The following ZNRF3 variants were observed in gnomAD, a reference collection of about 807,000 sequenced individuals.
The protein encoded by ZNRF3 is E3 ubiquitin-protein ligase ZNRF3.
Under a neutral mutation model 72.5 loss-of-function variants are expected in ZNRF3, and 23 were observed. The ratio of observed to expected loss-of-function variants is 0.32; its 90% CI spans 0.23 to 0.45. The LOEUF is 0.45. ZNRF3 is among the 20% of genes least tolerant of loss of function. The probability of loss-of-function intolerance (pLI) is 1.00; values close to 1 mark genes in which losing one functional copy is unlikely to be tolerated. For missense variants in ZNRF3, 1,169 were observed against 1,272.1 expected, an observed-to-expected ratio of 0.92 and a Z score of 1.23; for synonymous variants, 610 against 545.3, an observed-to-expected ratio of 1.12 and a Z score of -1.65.
chr22:29,053,447 C>T (rs2037243466), intron 8 of ZNRF3, 132 bp from the exon 9 acceptor site: 1 of 754,064 alleles, frequency 1.3e-6, no homozygotes, highest in East Asian at 2.6e-5. Flanking sequence ...CCTCTGGGAA[C>T]AGGAACCTGC....
chr22:28,943,515 G>C (rs907986406), intron 1 of ZNRF3, among the ~76,000 whole-genome samples: 2 of 152,186 alleles, frequency 1.3e-5, no homozygotes, highest in African/African-American at 4.8e-5. Flanking sequence ...TGGAGAGGGT[G>C]CATGTGTGTT....
chr22:28,994,176 C>CTTTTTTTTTTTTTTTTTTT lies in ZNRF3; in HGVS notation c.426+6984_426+7002dup, dbSNP rs57329565. The stretch of plus-strand genomic sequence containing the variant: ...TCCTTTATTGTCCTTCAGTTCCTTT[C>CTTTTTTTTTTTTTTTTTTT]TTTTTTTTTTTTTTTTTTTTTTTTT... On this transcript the variant is annotated intron_variant, in intron 2 of 8. Coordinates refer to ENST00000544604, the MANE Select transcript of ZNRF3 (RefSeq NM_001206998.2). Among the ~76,000 whole-genome samples the CTTTTTTTTTTTTTTTTTTT allele has an allele frequency of 6.6e-3, 261 of 39,794 alleles. 25 individuals are homozygous for CTTTTTTTTTTTTTTTTTTT. The highest frequency in any genetic ancestry group is 8.2e-3 in the Non-Finnish European group (189 of 22,948). The allele number at this position is 39,794 out of a possible 152,430, so 26.1% of individuals were successfully genotyped here. A position where few individuals can be genotyped will look rare whatever the true frequency, so the allele number is the denominator to read the frequency against.
chr22:29,012,494 G>C (rs568555419), intron 2 of ZNRF3, among the ~76,000 whole-genome samples: 1 of 152,218 alleles, frequency 6.6e-6, no homozygotes, highest in East Asian at 1.9e-4. Context: ...ATTTCTCTTT[G>C]GCCCTGGAAA....
intron 1 of ZNRF3, among the ~76,000 whole-genome samples, chr22:28,912,483 A>G (rs1158665812): frequency 6.6e-6 from 1 of 151,802 alleles, no homozygotes; most frequent in Non-Finnish European, 1.5e-5. Flanking sequence ...TAAAGCACTC[A>G]ATTATTGTCC....
intron 8 of ZNRF3, among the ~76,000 whole-genome samples, chr22:29,051,574 A>G (rs1016419999): frequency 6.8e-6 from 1 of 146,916 alleles, no homozygotes; most frequent in Non-Finnish European, 1.5e-5. Flanking sequence ...ACTGCACTCC[A>G]GCCTGGGTGA....
chr22:28,889,234 A>G (rs1430183670), intron 1 of ZNRF3, among the ~76,000 whole-genome samples: 3 of 152,170 alleles, frequency 2.0e-5, no homozygotes, highest in Admixed American at 2.0e-4. Flanking sequence ...AACATATAAT[A>G]TAGGGGTTCT....
chr22:29,050,575 C>T lies in ZNRF3; in HGVS notation c.2394C>T (p.Tyr798=). ...ARGGGGGSGC[Y]TEDYSVSVQY... ...GGGGCGGAGGGGGCAGCGGCTGCTA[C>T]ACTGAGGACTACTCGGTGAGTGTGC... Residue 798 remains tyrosine, a synonymous_variant, in exon 8 of 9, where the codon TAC becomes TAT. Transcript: ENST00000544604. The T allele has an allele frequency of 3.1e-6, 5 of 1,608,574 alleles. No homozygotes were observed. Among genetic ancestry groups the T allele is most frequent in the Non-Finnish European group, 4.2e-6 (5 of 1,177,880 alleles).
chr22:28,966,169 A>G (rs2035455108), intron 1 of ZNRF3, among the ~76,000 whole-genome samples: 1 of 152,338 alleles, frequency 6.6e-6, no homozygotes, highest in African/African-American at 2.4e-5. Context: ...CGCCCTCTGC[A>G]AAGATCTCAG....
chr22:28,958,348 G>T (rs1460962384), intron 1 of ZNRF3, among the ~76,000 whole-genome samples: 1 of 152,212 alleles, frequency 6.6e-6, no homozygotes, highest in Non-Finnish European at 1.5e-5. Context: ...GCAGTGATCA[G>T]TAGATTTGGA....
At chr22:28,939,919 G>A (rs766153404) in intron 1 of ZNRF3, among the ~76,000 whole-genome samples, 5 of 152,020 alleles carry the variant, frequency 3.3e-5, no homozygotes, top group Non-Finnish European at 7.4e-5. Flanking sequence ...GGGCCATTGA[G>A]CATTTTATTC....
chr22:29,035,661 C>T (rs573180790), intron 2 of ZNRF3, among the ~76,000 whole-genome samples: 26 of 152,264 alleles, frequency 1.7e-4, no homozygotes, highest in Admixed American at 4.6e-4. Flanking sequence ...CTGCAAGCTC[C>T]GCCTCCTGGG....
intron 2 of ZNRF3, among the ~76,000 whole-genome samples, chr22:28,990,160 C>T (rs1291845629): frequency 6.6e-6 from 1 of 152,218 alleles, no homozygotes; most frequent in Non-Finnish European, 1.5e-5. Flanking sequence ...ATGGGCGCAT[C>T]TCTCCAGCTT....
chr22:29,050,165 A>G lies in ZNRF3; in HGVS notation c.1984A>G (p.Ser662Gly), dbSNP rs1315457575. 17 of 1,603,460 alleles carry G rather than the reference A, an allele frequency of 1.1e-5. No individual in the cohort carries two copies. Among genetic ancestry groups the G allele is most frequent in the Non-Finnish European group, 1.3e-5 (15 of 1,179,838 alleles). Residue 662 changes from serine (S) to glycine (G), a missense_variant, in exon 8 of 9, where the codon AGC becomes GGC. Around this residue, in one of 2 missense-constraint regions of ZNRF3, gnomAD observed 783 missense variants for 731.4 expected, o/e 1.07. Transcript: ENST00000544604. ...SPSGDQVSTC[S>G]LEMNYSSNSS... ...CTCGGGGGATCAGGTGTCCACCTGC[A>G]GCCTGGAGATGAACTACAGCAGCAA...
chr22:28,946,750 A>G (rs2035059669), intron 1 of ZNRF3, among the ~76,000 whole-genome samples: 1 of 152,084 alleles, frequency 6.6e-6, no homozygotes. Flanking sequence ...TGTTCTGGGG[A>G]CTGGGGAGTG....
rs187236587 is a variant in ZNRF3 at position 28,914,069 on chromosome 22, G to A, written c.300+30003G>A. 7.8e-3 allele frequency among the ~76,000 whole-genome samples: 1,190 copies of A among 152,286 alleles called. 17 individuals are homozygous for A. The highest frequency in any genetic ancestry group is 0.028 in the African/African-American group (1,144 of 41,562). ...GAACTCCTTCTGGTACTTTCCAGATGTATTTGATCCCAGAACTCCTTTTTC... is the reference window on the plus strand; with the variant it reads ...GAACTCCTTCTGGTACTTTCCAGATATATTTGATCCCAGAACTCCTTTTTC... On this transcript the variant is annotated intron_variant, in intron 1 of 8. Coordinates refer to ENST00000544604, the MANE Select transcript of ZNRF3 (RefSeq NM_001206998.2).
intron 1 of ZNRF3, among the ~76,000 whole-genome samples, chr22:28,934,017 A>AG (rs2034774252): frequency 6.6e-6 from 1 of 151,956 alleles, no homozygotes; most frequent in South Asian, 2.1e-4. Context: ...GAAGGAACAA[A>AG]GAGGGTACTG....
chr22:29,022,652 C>T (rs545716358), intron 2 of ZNRF3, among the ~76,000 whole-genome samples: 3 of 152,314 alleles, frequency 2.0e-5, no homozygotes, highest in South Asian at 2.1e-4. Flanking sequence ...GTCTGAGTTA[C>T]GCAGATGTCC....
chr22:29,001,423 A>T (rs958518552), intron 2 of ZNRF3, among the ~76,000 whole-genome samples: 3 of 150,254 alleles, frequency 2.0e-5, no homozygotes, highest in Non-Finnish European at 4.4e-5. Flanking sequence ...TCTGTGGGAT[A>T]TCTTTTCACT....
intron 1 of ZNRF3, among the ~76,000 whole-genome samples, chr22:28,966,528 G>C (rs1005121685): frequency 6.6e-6 from 1 of 152,196 alleles, no homozygotes; most frequent in Non-Finnish European, 1.5e-5. Flanking sequence ...AGACCTTCCA[G>C]TGGGACAAGA....
Sources: allele counts gnomAD v4.1 joint callset (sites outside exome capture counted in the v4.1 genomes callset), GRCh38; gene constraint gnomAD v4.1.1; regional missense constraint gnomAD v4.1.1; transcripts MANE v1.5; gene names NCBI Gene and HGNC (gene_info 2026-07-23, HGNC 2026-07-21).